Variants in DIP2B observed in about 807,000 individuals in gnomAD.
DIP2B encodes the protein DIP2 acetate--CoA ligase B (putative).
A neutral mutation model predicts 198.0 loss-of-function variants in DIP2B; 76 were observed. That is an observed-to-expected ratio of 0.38 (90% confidence interval 0.32 to 0.46). The LOEUF is 0.46. DIP2B is among the 20% of genes least tolerant of loss of function. The pLI is 0.99. For missense variants in DIP2B, 1,559 were observed against 1,978.4 expected, an observed-to-expected ratio of 0.79 and a Z score of 4.02; for synonymous variants, 701 against 739.1, an observed-to-expected ratio of 0.95 and a Z score of 0.84.
intron 1 of DIP2B, among the ~76,000 whole-genome samples, chr12:50,556,018 GCTAT>G (rs1228192628): frequency 6.6e-6 from 1 of 151,960 alleles, no homozygotes; most frequent in Non-Finnish European, 1.5e-5. Flanking sequence ...TCTTCTTCTT[GCTAT>G]CTATTGTCCC....
At chr12:50,549,426 A>G (rs1012294387) in intron 1 of DIP2B, among the ~76,000 whole-genome samples, 3 of 152,142 alleles carry the variant, frequency 2.0e-5, no homozygotes, top group Non-Finnish European at 4.4e-5. Context: ...GCTACACGGG[A>G]GGCTGAGGCA....
chr12:50,710,771 C>G (rs1939601298), intron 22 of DIP2B, among the ~76,000 whole-genome samples: 1 of 152,084 alleles, frequency 6.6e-6, no homozygotes, highest in Admixed American at 6.5e-5. Flanking sequence ...GTCTGTAATT[C>G]TGAATTATCA....
At chr12:50,627,769 C>T (rs1937964363) in intron 2 of DIP2B, among the ~76,000 whole-genome samples, 1 of 152,250 alleles carries the variant, frequency 6.6e-6, no homozygotes, top group African/African-American at 2.4e-5. Flanking sequence ...TGGCATATCC[C>T]TCCCCCAGTA....
intron 7 of DIP2B, among the ~76,000 whole-genome samples, chr12:50,677,700 T>C (rs572297192): frequency 2.4e-4 from 37 of 152,124 alleles, no homozygotes; most frequent in Admixed American, 5.2e-4. Flanking sequence ...AAGAGGACTT[T>C]TGTTTTATCT....
intron 20 of DIP2B, among the ~76,000 whole-genome samples, chr12:50,704,747 C>T (rs1216278720): frequency 6.6e-6 from 1 of 152,046 alleles, no homozygotes; most frequent in Non-Finnish European, 1.5e-5. Context: ...GGCGGATCAC[C>T]TGAGGTCAGG....
chr12:50,557,606 C>T (rs995683074), intron 1 of DIP2B, among the ~76,000 whole-genome samples: 1 of 152,120 alleles, frequency 6.6e-6, no homozygotes, highest in Admixed American at 6.6e-5. Context: ...TAATGGGCTG[C>T]TGGGTGGGGG....
At chr12:50,740,270 C>A (rs1940217905) in intron 36 of DIP2B, among the ~76,000 whole-genome samples, 1 of 152,236 alleles carries the variant, frequency 6.6e-6, no homozygotes, top group Admixed American at 6.5e-5. Flanking sequence ...GACCAGCATC[C>A]ATAGTTCCCC....
chr12:50,528,001 C>G (rs1958181905), intron 1 of DIP2B, among the ~76,000 whole-genome samples: 1 of 150,208 alleles, frequency 6.7e-6, no homozygotes, highest in Non-Finnish European at 1.5e-5. Context: ...AATCACGGCT[C>G]ACTGCAGCCT....
intron 16 of DIP2B, among the ~76,000 whole-genome samples, chr12:50,696,482 C>T (rs1213641074): frequency 1.3e-5 from 2 of 152,128 alleles, no homozygotes; most frequent in African/African-American, 4.8e-5. Context: ...CTTTTTTGCT[C>T]ATTCATGTAT....
At chr12:50,536,453 G>T (rs1958268184) in intron 1 of DIP2B, among the ~76,000 whole-genome samples, 1 of 151,942 alleles carries the variant, frequency 6.6e-6, no homozygotes, top group Non-Finnish European at 1.5e-5. Context: ...ATGTCTTTAA[G>T]AAAGAAGAAA....
intron 31 of DIP2B, among the ~76,000 whole-genome samples, chr12:50,731,983 G>A (rs978884706): frequency 2.0e-5 from 3 of 152,140 alleles, no homozygotes; most frequent in Non-Finnish European, 4.4e-5. Flanking sequence ...AATTTTCTTT[G>A]ATAGAAAAAT....
At chr12:50,621,421 A>G (rs116972955) in intron 1 of DIP2B, among the ~76,000 whole-genome samples, 78 of 142,540 alleles carry the variant, frequency 5.5e-4, no homozygotes, top group Non-Finnish European at 9.7e-4. Flanking sequence ...CTCTTGCTAA[A>G]GAACTCTTTT....
chr12:50,724,867 G>A lies in DIP2B; in HGVS notation c.3381G>A (p.Trp1127Ter). The A allele has an allele frequency of 6.2e-7, 1 of 1,614,148 alleles. No homozygotes were observed. The change falls in exon 28 of 38, where the codon TGG becomes TGA. Residue 1127 changes from tryptophan (W) to a stop codon, truncating the protein, a stop_gained. Transcript: ENST00000301180. LOFTEE classifies it high-confidence loss of function. ...CAGCAGCTGTGGATGTGAAAACCTG[G>A]CCAACCATCATTGACACAGGTGAAA... ...EAAAAVDVKT[W>*]PTIIDTDDLP...
intron 1 of DIP2B, among the ~76,000 whole-genome samples, chr12:50,561,018 T>C (rs1242199246): frequency 1.3e-5 from 2 of 152,232 alleles, no homozygotes; most frequent in African/African-American, 4.8e-5. Context: ...CTTTAGGAAA[T>C]AGCAACCTAT....
At chr12:50,537,434 C>G (rs958326087) in intron 1 of DIP2B, among the ~76,000 whole-genome samples, 3 of 151,910 alleles carry the variant, frequency 2.0e-5, no homozygotes, top group East Asian at 3.9e-4. Flanking sequence ...GTTTGAGTGA[C>G]CAGGCGAGTG....
chr12:50,651,314 C>G lies in DIP2B; in HGVS notation c.302-8880C>G, dbSNP rs185453205. Reference sequence around the variant, plus strand: ...TTCTGTTGATTGTTTCTGTGATGTGCAGAAGTTTTTAAGTTTAATGTAGTC... The same window carrying G: ...TTCTGTTGATTGTTTCTGTGATGTGGAGAAGTTTTTAAGTTTAATGTAGTC... On this transcript the variant is annotated intron_variant, in intron 3 of 37. Transcript: ENST00000301180. Among the ~76,000 whole-genome samples the G allele has an allele frequency of 1.1e-3, 165 of 152,184 alleles. 1 individual carries two copies. Among genetic ancestry groups the G allele is most frequent in the Non-Finnish European group, 2.0e-3 (139 of 67,996 alleles).
intron 1 of DIP2B, among the ~76,000 whole-genome samples, chr12:50,611,366 C>T (rs1959030332): frequency 6.6e-6 from 1 of 152,178 alleles, no homozygotes; most frequent in Non-Finnish European, 1.5e-5. Context: ...GCTGCGAGAT[C>T]ATTTTTATTC....
At chr12:50,702,971 A>G (rs1347918890) in intron 19 of DIP2B, among the ~76,000 whole-genome samples, 1 of 152,092 alleles carries the variant, frequency 6.6e-6, no homozygotes, top group Non-Finnish European at 1.5e-5. Context: ...CACTCCTGTA[A>G]TCCCAACACT....
At chr12:50,592,196 T>G (rs1958825474) in intron 1 of DIP2B, among the ~76,000 whole-genome samples, 1 of 151,980 alleles carries the variant, frequency 6.6e-6, no homozygotes, top group African/African-American at 2.4e-5. Context: ...ATTTTTATTT[T>G]TTTAGAGACA....
Sources: allele counts gnomAD v4.1 joint callset (sites outside exome capture counted in the v4.1 genomes callset), GRCh38; gene constraint gnomAD v4.1.1; transcripts MANE v1.5; gene names NCBI Gene and HGNC (gene_info 2026-07-23, HGNC 2026-07-21).